The following NKD2 variants were observed in gnomAD, a reference collection of about 807,000 sequenced individuals.
NKD2 encodes protein naked cuticle homolog 2.
A neutral mutation model predicts 34.8 loss-of-function variants in NKD2; 43 were observed. That is an observed-to-expected ratio of 1.24 (90% CI 0.97 to 1.60). The LOEUF (loss-of-function observed/expected upper bound fraction) is 1.60, where lower values mean the gene tolerates loss of function less well. Among genes scored for constraint, NKD2 ranks in the 40% most tolerant of loss-of-function variants. NKD2 has a pLI of 0.00. For synonymous variants in NKD2, 278 were observed against 265.1 expected (o/e 1.05, Z -0.47); for missense variants, 675 against 627.1 (o/e 1.08, Z -0.82).
Position 1,035,868 on chromosome 5 carries a change from G to A in NKD2, c.660-389G>A, listed in dbSNP as rs76934447. On this transcript the variant is annotated intron_variant, in intron 8 of 9. Transcript: ENST00000296849. The stretch of plus-strand genomic sequence containing the variant: ...GTGGCTGGGGCAATGGCTAAGGGTG[G>A]CTGGGGTAGTGGCTGGGGATGGCTC... The A allele has an allele frequency of 3.7e-4, 139 of 374,866 alleles. No individual in the cohort carries two copies. The East Asian group carries it at 5.9e-3, about 16-fold the overall frequency. The allele number at this position is 374,866 out of a possible 1,614,324, so 23.2% of individuals were successfully genotyped here. A position where few individuals can be genotyped will look rare whatever the true frequency, so the allele number is the denominator to read the frequency against.
rs1217636518 is a variant in NKD2 at position 1,035,441 on chromosome 5, G to C, written c.627G>C (p.Arg209Ser). 6.4e-7 allele frequency: 1 copy of C among 1,558,214 alleles called. No individual in the cohort carries two copies. The highest frequency in any genetic ancestry group is 1.4e-5 in the African/African-American group (1 of 73,418). The change falls in exon 8 of 10, where the codon AGG becomes AGC. Residue 209 changes from arginine (R) to serine (S), a missense_variant. By Grantham distance (110) the Arg-to-Ser change is moderately radical (BLOSUM62 -1). Coordinates refer to ENST00000296849, the MANE Select transcript of NKD2 (RefSeq NM_033120.4). Reference sequence around the variant, plus strand: ...AGGGTGAACTGGCAGAGGAGCCAAGGGTGGCTGACAGGAGGTTGTCTGCAC... The same window carrying C: ...AGGGTGAACTGGCAGAGGAGCCAAGCGTGGCTGACAGGAGGTTGTCTGCAC... Reference protein sequence around the residue: ...RMEGELAEEPRVADRRLSAHV... With the variant: ...RMEGELAEEPSVADRRLSAHV...
At position 1,009,391 on chromosome 5, in the gene NKD2, C is replaced by A; in HGVS notation, c.62-90C>A. 1.8e-6 allele frequency: 2 copies of A among 1,127,432 alleles called. No homozygotes were observed. The highest frequency in any genetic ancestry group is 1.2e-6 in the Non-Finnish European group (1 of 812,094). 69.8% of individuals were successfully genotyped at this position (1,127,432 alleles called of 1,614,324 possible). On this transcript the variant is annotated intron_variant, in intron 2 of 9. Transcript: ENST00000296849. The surrounding 1 kb of genome is among the most constrained non-coding windows in gnomAD (Gnocchi z 6.9). ...CTGCGCGGTCTCCAGGCGATGGGGA[C>A]ACAGCGAAGGCGCAGCGCCCGCGGG...
At chr5:1,014,994 G>C (rs527844528) in intron 3 of NKD2, among the ~76,000 whole-genome samples, 17 of 152,166 alleles carry the variant, frequency 1.1e-4, no homozygotes, top group African/African-American at 4.1e-4. Context: ...CACATCCCTC[G>C]TGCCTGGGCC....
chr5:1,018,541 G>A (rs1461425599), intron 3 of NKD2, among the ~76,000 whole-genome samples: 1 of 152,066 alleles, frequency 6.6e-6, no homozygotes, highest in East Asian at 1.9e-4. Flanking sequence ...GTGTGTTGGG[G>A]GGAGAGACTG....
rs577163729 is a variant in NKD2 at position 1,009,108 on chromosome 5, A to AGGGCGGGC, written c.25+36_25+43dup. The stretch of plus-strand genomic sequence containing the variant: ...GTGAGCCGCGGGCCGGTAGGGCGGG[A>AGGGCGGGC]GGGCGGGCGGGCGGGCGTGGGGCCG... On this transcript the variant is annotated intron_variant, in intron 1 of 9. Coordinates refer to ENST00000296849, the MANE Select transcript of NKD2 (RefSeq NM_033120.4). The surrounding 1 kb of genome is among the most constrained non-coding windows in gnomAD (Gnocchi z 6.9). 0.25 allele frequency: 31,933 copies of AGGGCGGGC among 130,224 alleles called. 1,402 individuals carry two copies. The highest frequency in any genetic ancestry group is 0.46 in the East Asian group (2,833 of 6,176). The allele number at this position is 130,224 out of a possible 1,614,324, so 8.1% of individuals were successfully genotyped here.
chr5:1,037,802 C>A lies in NKD2; in HGVS notation c.788-3C>A. On this transcript the variant is annotated splice_polypyrimidine_tract_variant and splice_region_variant and intron_variant, in intron 9 of 9. Transcript: ENST00000296849. ...GGCCTCACACTCTGACCTGTGTCCG[C>A]AGGGTCCCCTCCTGTGCAAGCAAAG... 1 of 1,566,242 alleles carries A rather than the reference C, an allele frequency of 6.4e-7. No individual in the cohort carries two copies. The highest frequency in any genetic ancestry group is 8.6e-7 in the Non-Finnish European group (1 of 1,159,690).
At chr5:1,036,056 G>A (rs1337533686) in intron 8 of NKD2, 5 of 1,273,492 alleles carry the variant, frequency 3.9e-6, no homozygotes, top group Non-Finnish European at 5.0e-6. Flanking sequence ...ACAGGGTTCT[G>A]GGGGTCGGCT....
chr5:1,037,454 G>A, intron 9 of NKD2: 1 of 1,376,002 alleles, frequency 7.3e-7, no homozygotes, highest in Non-Finnish European at 9.9e-7. Flanking sequence ...GAGGGTTTAG[G>A]GGATGCGAAT....
chr5:1,037,843 A>T lies in NKD2; in HGVS notation c.826A>T (p.Arg276Trp). 6.3e-7 allele frequency: 1 copy of T among 1,591,440 alleles called. No individual in the cohort carries two copies. The highest frequency in any genetic ancestry group is 8.5e-7 in the Non-Finnish European group (1 of 1,172,538). The part of the protein sequence containing the change: ...PVQAKQEPQG[R>W]ASHLQARSRS... ...GCAAGCAAAGCAGGAGCCCCAGGGCAGGGCCTCGCACCTCCAGGCCCGGTC... is the reference window on the plus strand; with the variant it reads ...GCAAGCAAAGCAGGAGCCCCAGGGCTGGGCCTCGCACCTCCAGGCCCGGTC... Residue 276 changes from arginine (R) to tryptophan (W), a missense_variant, in exon 10 of 10, where the codon AGG becomes TGG. Transcript: ENST00000296849.
chr5:1,028,226 C>T (rs1037039834), intron 3 of NKD2, among the ~76,000 whole-genome samples: 4 of 152,038 alleles, frequency 2.6e-5, no homozygotes, highest in African/African-American at 9.7e-5. Context: ...GGGACGTGGA[C>T]GGTGGCCTCG....
intron 3 of NKD2, among the ~76,000 whole-genome samples, chr5:1,022,394 G>T (rs62330230): frequency 3.2e-4 from 5 of 15,862 alleles, no homozygotes; most frequent in South Asian, 4.3e-3. Context: ...GTCCCAGCCC[G>T]TTGTCCCTGC....
intron 3 of NKD2, among the ~76,000 whole-genome samples, chr5:1,027,052 A>G (rs576357838): frequency 3.3e-5 from 5 of 152,372 alleles, no homozygotes; most frequent in Admixed American, 2.0e-4. Context: ...ACCACAGGAC[A>G]TGGGCCAGGC....
Position 1,009,758 on chromosome 5 carries a change from C to CT in NKD2, c.141+199dup, listed in dbSNP as rs1441960957. Among the ~76,000 whole-genome samples, 2 of 152,136 alleles carry CT rather than the reference C, an allele frequency of 1.3e-5. No individual in the cohort carries two copies. Among genetic ancestry groups the CT allele is most frequent in the Non-Finnish European group, 2.9e-5 (2 of 68,008 alleles). ...GGGGCTCCCGTGGGGCGAGCCCTTG[C>CT]TAGTGTCCCATGCTGAGTGGCGGGT... On this transcript the variant is annotated intron_variant, in intron 3 of 9. Coordinates refer to ENST00000296849, the MANE Select transcript of NKD2 (RefSeq NM_033120.4). The surrounding 1 kb of genome is among the most constrained non-coding windows in gnomAD (Gnocchi z 6.9).
In NKD2 at chr5:1,010,990, C is replaced by T. The variant is rs543624230; in HGVS notation, c.141+1430C>T. On this transcript the variant is annotated intron_variant, in intron 3 of 9. Coordinates refer to ENST00000296849, the MANE Select transcript of NKD2 (RefSeq NM_033120.4). Reference sequence around the variant, plus strand: ...CAAGGCCAGTGCGCTCTGGAAAATGCAGGTGCTCCTCATGTGACTACGATG... The same window carrying T: ...CAAGGCCAGTGCGCTCTGGAAAATGTAGGTGCTCCTCATGTGACTACGATG... 2.6e-5 allele frequency among the ~76,000 whole-genome samples: 4 copies of T among 152,372 alleles called. No homozygotes were observed. The East Asian group carries it at 7.7e-4, about 29-fold the overall frequency.
At chr5:1,019,275 G>A (rs1224015124) in intron 3 of NKD2, among the ~76,000 whole-genome samples, 7 of 152,176 alleles carry the variant, frequency 4.6e-5, no homozygotes, top group African/African-American at 1.7e-4. Flanking sequence ...GCAGCCTCCA[G>A]GCCTTGGATC....
chr5:1,033,212 C>T (rs1348923171), intron 4 of NKD2, among the ~76,000 whole-genome samples, 160 bp from the exon 5 acceptor site: 1 of 152,164 alleles, frequency 6.6e-6, no homozygotes, highest in Non-Finnish European at 1.5e-5. Context: ...GGGATAGGGC[C>T]TCCCTCCCCT....
intron 3 of NKD2, among the ~76,000 whole-genome samples, chr5:1,021,215 G>A (rs1382705355): frequency 2.6e-5 from 4 of 152,256 alleles, no homozygotes; most frequent in East Asian, 3.9e-4. Context: ...CAGAAGAACC[G>A]ATGGGCAAAA....
intron 7 of NKD2, 42 bp downstream of exon 7, chr5:1,034,945 T>C (rs771926984): frequency 1.5e-5 from 23 of 1,561,572 alleles, no homozygotes; most frequent in South Asian, 1.3e-4. Flanking sequence ...CTACCCAACA[T>C]TGGCAGGGGC....
In NKD2 at chr5:1,033,514, G is replaced by C. The variant is rs1560997409; in HGVS notation, c.330+15G>C. ...TCAACATTGACGTGGGTCTCTCTCC[G>C]GCCTCACTTGCGGGAACACGTCCCT... On this transcript the variant is annotated intron_variant, in intron 5 of 9. Transcript: ENST00000296849. 4 of 1,540,598 alleles carry C rather than the reference G, an allele frequency of 2.6e-6. No individual in the cohort carries two copies. The African/African-American group carries it at 5.5e-5, about 21-fold the overall frequency.
Sources: gnomAD v4.1 joint callset for allele counts (sites outside exome capture counted in the v4.1 genomes callset) on GRCh38, gnomAD v4.1.1 for gene constraint, Gnocchi (gnomAD v3.1) non-coding constraint, MANE v1.5 for transcripts, NCBI Gene and HGNC (gene_info 2026-07-23, HGNC 2026-07-21) for gene names.